The following AOAH variants were observed in gnomAD, a reference collection of about 807,000 sequenced individuals.
The protein encoded by AOAH is acyloxyacyl hydrolase (neutrophil).
A neutral mutation model predicts 92.2 loss-of-function variants in AOAH; 64 were observed. The ratio of observed to expected loss-of-function variants is 0.69; its 90% CI spans 0.57 to 0.86. The LOEUF (loss-of-function observed/expected upper bound fraction) is 0.86, where lower values mean the gene tolerates loss of function less well. Ranked by LOEUF, AOAH falls within the 40% of genes least tolerant of loss-of-function variation. The pLI is 0.00. For synonymous variants in AOAH, 263 were observed against 254.5 expected, an observed-to-expected ratio of 1.03 and a Z score of -0.32; for missense variants, 656 against 694.6, an observed-to-expected ratio of 0.94 and a Z score of 0.62.
chr7:36,596,171 A>ACC (rs540009651), intron 11 of AOAH, among the ~76,000 whole-genome samples: 2 of 118,618 alleles, frequency 1.7e-5, no homozygotes, highest in Non-Finnish European at 1.8e-5. Flanking sequence ...AAGCCCCCCC[A>ACC]CCCCCCGTCA....
intron 6 of AOAH, among the ~76,000 whole-genome samples, chr7:36,630,305 ACT>A (rs920458669): frequency 1.3e-5 from 2 of 152,122 alleles, no homozygotes; most frequent in African/African-American, 4.8e-5. Flanking sequence ...GTGCAGCCTA[ACT>A]CTCACCTCTG....
At chr7:36,550,804 T>C (rs896647719) in intron 13 of AOAH, among the ~76,000 whole-genome samples, 4 of 152,162 alleles carry the variant, frequency 2.6e-5, no homozygotes, top group African/African-American at 7.2e-5. Flanking sequence ...CCTTGGAAGC[T>C]TGGGGATAAG....
chr7:36,552,065 G>A (rs1283849479), intron 13 of AOAH, among the ~76,000 whole-genome samples: 1 of 152,054 alleles, frequency 6.6e-6, no homozygotes, highest in Non-Finnish European at 1.5e-5. Flanking sequence ...TTTATTTTAA[G>A]TTCCAGGATA....
At chr7:36,600,190 ACT>A (rs1380629062) in intron 11 of AOAH, 5 of 151,878 alleles carry the variant, frequency 3.3e-5, no homozygotes. Flanking sequence ...CAATTACACA[ACT>A]CTGTGAGGCA....
intron 1 of AOAH, among the ~76,000 whole-genome samples, chr7:36,719,939 TAA>T (rs34744842): frequency 1.7e-3 from 239 of 143,870 alleles, no homozygotes; most frequent in Non-Finnish European, 2.0e-3. Context: ...TTGTCTTTAT[TAA>T]AAAAAAAAAA....
At chr7:36,673,453 C>T (rs1432206009) in intron 3 of AOAH, among the ~76,000 whole-genome samples, 5 of 152,170 alleles carry the variant, frequency 3.3e-5, no homozygotes, top group East Asian at 3.8e-4. Context: ...AGGAGAATTG[C>T]TTGAACCTGG....
At chr7:36,591,844 A>G (rs1477332686) in intron 12 of AOAH, among the ~76,000 whole-genome samples, 1 of 152,210 alleles carries the variant, frequency 6.6e-6, no homozygotes, top group African/African-American at 2.4e-5. Flanking sequence ...ATACAGAGCA[A>G]CTACTGGTGT....
At chr7:36,641,281 C>T (rs1224807889) in intron 4 of AOAH, among the ~76,000 whole-genome samples, 3 of 152,204 alleles carry the variant, frequency 2.0e-5, no homozygotes, top group African/African-American at 7.2e-5. Context: ...GCCTTCAAAA[C>T]TGGCATCACA....
intron 19 of AOAH, among the ~76,000 whole-genome samples, chr7:36,522,620 A>G (rs183761204): frequency 2.0e-5 from 3 of 152,358 alleles, no homozygotes; most frequent in African/African-American, 7.2e-5. Flanking sequence ...GGCTGCAGAA[A>G]AAATATTACG....
In AOAH at chr7:36,596,446, G is replaced by T. The variant is rs114452897; in HGVS notation, c.847-2016C>A. On this transcript the variant is annotated intron_variant, in intron 11 of 20. Transcript: ENST00000617537. The stretch of plus-strand genomic sequence containing the variant: ...CCCACCTCAGAATGTGACCTTGTTT[G>T]GAAATAGAGTCGTTGCAGATGTAAC... 1.8e-3 allele frequency among the ~76,000 whole-genome samples: 280 copies of T among 152,258 alleles called. 1 individual carries two copies. The highest frequency in any genetic ancestry group is 6.6e-3 in the African/African-American group (273 of 41,546).
At chr7:36,566,775 AG>A (rs1444924358) in intron 13 of AOAH, among the ~76,000 whole-genome samples, 2 of 152,152 alleles carry the variant, frequency 1.3e-5, no homozygotes, top group Non-Finnish European at 2.9e-5. Context: ...TTGACTAGTA[AG>A]GGAAAAATGC....
chr7:36,571,607 T>A (rs2116591086), intron 13 of AOAH, among the ~76,000 whole-genome samples: 1 of 152,318 alleles, frequency 6.6e-6, no homozygotes, highest in Admixed American at 6.5e-5. Flanking sequence ...TGCTGCTCAC[T>A]TATGTCAATC....
At chr7:36,602,563 CT>C (rs1192354219) in intron 11 of AOAH, among the ~76,000 whole-genome samples, 1 of 150,108 alleles carries the variant, frequency 6.7e-6, no homozygotes, top group African/African-American at 2.5e-5. Flanking sequence ...CAATTCTTTT[CT>C]AAGGCCATTG....
In AOAH at chr7:36,614,112, C is replaced by T. The variant is rs1439089782; in HGVS notation, c.846+2268G>A. Among the ~76,000 whole-genome samples, 1 of 152,198 alleles carries T rather than the reference C, an allele frequency of 6.6e-6. No individual in the cohort carries two copies. Among genetic ancestry groups the T allele is most frequent in the Non-Finnish European group, 1.5e-5 (1 of 68,048 alleles). ...TTCTGGGAGAGGGAAGAGGGAAGCA[C>T]ATCCATAGGTGGCTGTATGACAGGG... is the stretch of plus-strand genomic sequence containing the variant. On this transcript the variant is annotated intron_variant, in intron 11 of 20. Coordinates refer to ENST00000617537, the MANE Select transcript of AOAH (RefSeq NM_001637.4). The surrounding 1 kb of genome is among the most constrained non-coding windows in gnomAD (Gnocchi z 4.2).
intron 3 of AOAH, among the ~76,000 whole-genome samples, chr7:36,667,579 G>C (rs955081360): frequency 6.6e-6 from 1 of 152,220 alleles, no homozygotes; most frequent in African/African-American, 2.4e-5. Context: ...ATTTCTCACA[G>C]ATAAGGGAAG....
At chr7:36,517,597 CTTTTTT>C (rs70977159) in intron 20 of AOAH, among the ~76,000 whole-genome samples, 2 of 89,578 alleles carry the variant, frequency 2.2e-5, no homozygotes, top group African/African-American at 4.5e-5. Flanking sequence ...GACTTTATAT[CTTTTTT>C]TTTTTTTTTT....
rs368245898 is a variant in AOAH, at chr7:36,532,138, C to T, written c.1425+9G>A. 6.2e-7 allele frequency: 1 copy of T among 1,614,128 alleles called. No homozygotes were observed. Among genetic ancestry groups the T allele is most frequent in the South Asian group, 1.1e-5 (1 of 91,078 alleles). ...AAAGATGGTATCAAAAGGCCTGTGA[C>T]AGTCATACCTCTGAAGTGAGAGTCC... is the stretch of plus-strand genomic sequence containing the variant. On this transcript the variant is annotated intron_variant, in intron 18 of 20. Transcript: ENST00000617537.
intron 16 of AOAH, 96 bp from the exon 17 acceptor site, chr7:36,532,440 CT>C (rs1425299686): frequency 2.6e-6 from 3 of 1,149,070 alleles, no homozygotes; most frequent in East Asian, 2.3e-5. Context: ...CAGAAAGTCA[CT>C]ATTTCCAGGG....
At chr7:36,692,780 G>T (rs1797485539) in intron 1 of AOAH, among the ~76,000 whole-genome samples, 1 of 152,152 alleles carries the variant, frequency 6.6e-6, no homozygotes, top group Non-Finnish European at 1.5e-5. Context: ...ATGAATAAAA[G>T]AAGTCACAGA....
Sources: gnomAD v4.1 joint callset for allele counts (sites outside exome capture counted in the v4.1 genomes callset) on GRCh38, gnomAD v4.1.1 for gene constraint, Gnocchi (gnomAD v3.1) non-coding constraint, MANE v1.5 for transcripts, NCBI Gene and HGNC (gene_info 2026-07-23, HGNC 2026-07-21) for gene names.